The following TANC1 variants were observed in gnomAD, a reference collection of about 807,000 sequenced individuals.
The protein encoded by TANC1 is tetratricopeptide repeat, ankyrin repeat and coiled-coil containing 1.
TANC1 carries 77 observed loss-of-function variants against 149.7 expected under a neutral mutation model. The ratio of observed to expected loss-of-function variants is 0.51; its 90% confidence interval spans 0.43 to 0.62. The LOEUF (loss-of-function observed/expected upper bound fraction) is 0.62. Among genes scored for constraint, TANC1 ranks in the 20% least tolerant of loss-of-function variants. TANC1 has a pLI of 0.00. For missense variants in TANC1, 1,985 were observed against 2,321.8 expected (o/e 0.85, Z 2.98); for synonymous variants, 854 against 925.0 (o/e 0.92, Z 1.39).
intron 2 of TANC1, among the ~76,000 whole-genome samples, chr2:159,015,698 A>G (rs980717833): frequency 4.6e-5 from 7 of 152,186 alleles, no homozygotes; most frequent in African/African-American, 1.4e-4. Flanking sequence ...TTTTTCTGTC[A>G]GATACCCTAA....
At chr2:159,078,534 G>T (rs990221254) in intron 3 of TANC1, among the ~76,000 whole-genome samples, 1 of 152,176 alleles carries the variant, frequency 6.6e-6, no homozygotes, top group African/African-American at 2.4e-5. Flanking sequence ...AATATTTCAT[G>T]GAGGTCAGCT....
Position 159,230,238 on chromosome 2 carries a change from C to G in TANC1, c.4812C>G (p.Ser1604Arg), listed in dbSNP as rs1396295257. Reference sequence around the variant, plus strand: ...ACTTTGGGGATCGGCTGGGCCCCAGCCAGAATGTCCGCCTGCAGTGTGGTG... The same window carrying G: ...ACTTTGGGGATCGGCTGGGCCCCAGGCAGAATGTCCGCCTGCAGTGTGGTG... ...CGHFGDRLGP[S>R]QNVRLQCGEN... is the part of the protein sequence containing the mutation. The change falls in exon 27 of 27, where the codon AGC becomes AGG. Residue 1604 changes from serine (S) to arginine (R), a missense_variant. Transcript: ENST00000263635. The surrounding 1 kb of genome is among the most constrained non-coding windows in gnomAD (Gnocchi z 4.4). The G allele has an allele frequency of 1.2e-6, 2 of 1,613,842 alleles. No individual in the cohort carries two copies. The highest frequency in any genetic ancestry group is 2.2e-5 in the South Asian group (2 of 91,092).
At chr2:159,101,812 C>T (rs2046738050) in intron 4 of TANC1, among the ~76,000 whole-genome samples, 1 of 152,216 alleles carries the variant, frequency 6.6e-6, no homozygotes, top group South Asian at 2.1e-4. Flanking sequence ...ATCAAACAAT[C>T]AAAACATCAT....
chr2:159,064,049 T>C (rs2042465667), intron 2 of TANC1, among the ~76,000 whole-genome samples: 1 of 152,192 alleles, frequency 6.6e-6, no homozygotes, highest in African/African-American at 2.4e-5. Flanking sequence ...ATTTTTCTCT[T>C]ATTTTTTAGG....
chr2:159,207,918 A>G (rs568831780), intron 19 of TANC1, among the ~76,000 whole-genome samples: 1 of 151,848 alleles, frequency 6.6e-6, no homozygotes, highest in Non-Finnish European at 1.5e-5. Context: ...TACAAATGGC[A>G]TGGTATGTTA....
At chr2:159,183,820 C>T (rs997939044) in intron 14 of TANC1, among the ~76,000 whole-genome samples, 2 of 152,094 alleles carry the variant, frequency 1.3e-5, no homozygotes, top group African/African-American at 2.4e-5. Context: ...GCCTGAGTGA[C>T]GGGGCAGGTT....
chr2:159,124,174 A>G (rs954519830), intron 4 of TANC1, among the ~76,000 whole-genome samples: 9 of 152,116 alleles, frequency 5.9e-5, no homozygotes, highest in Admixed American at 2.0e-4. Flanking sequence ...CCTGGCCAAC[A>G]TAGTGAAACC....
intron 5 of TANC1, 53 bp from the exon 6 acceptor site, chr2:159,149,089 G>A (rs72951453): frequency 0.15 from 229,570 of 1,526,154 alleles, 18,409 homozygotes; most frequent in South Asian, 0.17. Flanking sequence ...ATCCAGATGC[G>A]ATACTGAAAT....
intron 24 of TANC1, 79 bp downstream of exon 24, chr2:159,225,858 T>G: frequency 9.5e-7 from 1 of 1,057,126 alleles, no homozygotes; most frequent in Non-Finnish European, 1.4e-6. Context: ...TGGCTACAGC[T>G]GTGCTACTGC....
intron 26 of TANC1, among the ~76,000 whole-genome samples, chr2:159,229,297 A>G (rs1260348524): frequency 6.6e-6 from 1 of 152,092 alleles, no homozygotes; most frequent in East Asian, 1.9e-4. Flanking sequence ...ACAATATTAA[A>G]AAGATTCTGG....
intron 7 of TANC1, among the ~76,000 whole-genome samples, chr2:159,162,340 A>G (rs1354270509): frequency 1.3e-5 from 2 of 152,194 alleles, no homozygotes; most frequent in Non-Finnish European, 2.9e-5. Context: ...ACTGGAATCC[A>G]GATAGGGAAA....
intron 4 of TANC1, among the ~76,000 whole-genome samples, chr2:159,128,888 G>A (rs915147516): frequency 6.6e-6 from 1 of 152,146 alleles, no homozygotes; most frequent in Non-Finnish European, 1.5e-5. Context: ...TTGCCATTAG[G>A]AATTGGCTAT....
intron 3 of TANC1, among the ~76,000 whole-genome samples, chr2:159,067,378 A>G (rs1285621005): frequency 6.6e-6 from 1 of 152,206 alleles, no homozygotes; most frequent in African/African-American, 2.4e-5. Flanking sequence ...CACCAAAGAA[A>G]AGGAGAAACC....
At chr2:159,104,860 G>A (rs368358430) in intron 4 of TANC1, among the ~76,000 whole-genome samples, 12,491 of 117,126 alleles carry the variant, frequency 0.11, 43 homozygotes, top group Admixed American at 0.19. Flanking sequence ...ACTGCACCCA[G>A]CTCTTGCTTA....
At chr2:159,171,606 C>T (rs193266741) in intron 10 of TANC1, among the ~76,000 whole-genome samples, 1 of 152,226 alleles carries the variant, frequency 6.6e-6, no homozygotes, top group Non-Finnish European at 1.5e-5. Flanking sequence ...CCTGTAATCC[C>T]AGCACTTTGG....
intron 4 of TANC1, among the ~76,000 whole-genome samples, chr2:159,100,927 C>T (rs1359897068): frequency 6.6e-6 from 1 of 151,926 alleles, no homozygotes; most frequent in African/African-American, 2.4e-5. Context: ...TTTAAAAAGA[C>T]TCATCTATTT....
At chr2:159,189,725 G>A (rs1015671435) in intron 16 of TANC1, among the ~76,000 whole-genome samples, 2 of 152,144 alleles carry the variant, frequency 1.3e-5, no homozygotes, top group South Asian at 2.1e-4. Flanking sequence ...CTCTGCAGGT[G>A]CCTTTATCAC....
chr2:159,061,623 C>T (rs1041774737), intron 2 of TANC1, among the ~76,000 whole-genome samples: 4 of 152,158 alleles, frequency 2.6e-5, no homozygotes, highest in Admixed American at 2.0e-4. Context: ...TTTCTGAAGG[C>T]TCTTGTGTCA....
chr2:159,139,588 T>C (rs1011347101), intron 5 of TANC1, among the ~76,000 whole-genome samples: 19 of 152,242 alleles, frequency 1.2e-4, no homozygotes, highest in Non-Finnish European at 4.4e-5. Flanking sequence ...ATAATTTATT[T>C]AGGTTTGCAT....
Sources: allele counts gnomAD v4.1 joint callset (sites outside exome capture counted in the v4.1 genomes callset), GRCh38; gene constraint gnomAD v4.1.1; non-coding constraint Gnocchi (gnomAD v3.1); transcripts MANE v1.5; gene names NCBI Gene and HGNC (gene_info 2026-07-23, HGNC 2026-07-21).